Variants in PLXDC2 observed in about 807,000 individuals in gnomAD.
The protein encoded by PLXDC2 is plexin domain containing 2.
In PLXDC2, 40 loss-of-function variants were observed where a neutral mutation model predicts 68.9. The observed-to-expected ratio is 0.58, with a 90% CI of 0.45 to 0.76. The LOEUF is 0.76. PLXDC2 is among the 30% of genes least tolerant of loss of function. The pLI is 0.00. For synonymous variants in PLXDC2, 243 were observed against 234.2 expected (o/e 1.04, Z -0.34); for missense variants, 644 against 661.9 (o/e 0.97, Z 0.30).
At chr10:20,061,093 T>A (rs4426050) in intron 3 of PLXDC2, among the ~76,000 whole-genome samples, 117,725 of 152,180 alleles carry the variant, frequency 0.77, 45,872 homozygotes, top group East Asian at 0.9. Context: ...AAATTTTAAC[T>A]CCTTATATAC....
At chr10:20,166,932 T>G (rs1834383852) in intron 7 of PLXDC2, among the ~76,000 whole-genome samples, 1 of 152,166 alleles carries the variant, frequency 6.6e-6, no homozygotes, top group African/African-American at 2.4e-5. Context: ...TTTATATGAA[T>G]TTTCAGACCA....
At chr10:19,939,209 A>G (rs939522669) in intron 1 of PLXDC2, among the ~76,000 whole-genome samples, 27 of 152,208 alleles carry the variant, frequency 1.8e-4, no homozygotes, top group African/African-American at 6.3e-4. Flanking sequence ...CCCCTCTGGG[A>G]TATCTGTGTT....
At chr10:20,273,191 C>A (rs1835960967) in intron 13 of PLXDC2, among the ~76,000 whole-genome samples, 1 of 152,130 alleles carries the variant, frequency 6.6e-6, no homozygotes, top group South Asian at 2.1e-4. Context: ...GCAATATGCC[C>A]CTTTTCTTTC....
At chr10:20,197,890 A>G (rs906498487) in intron 9 of PLXDC2, among the ~76,000 whole-genome samples, 1 of 152,192 alleles carries the variant, frequency 6.6e-6, no homozygotes, top group South Asian at 2.1e-4. Context: ...TAGTGGCCCA[A>G]GTCGTAGTTA....
chr10:20,098,497 T>C (rs1833382083), intron 4 of PLXDC2, among the ~76,000 whole-genome samples: 1 of 152,048 alleles, frequency 6.6e-6, no homozygotes, highest in African/African-American at 2.4e-5. Flanking sequence ...ATCCTAAACC[T>C]AATCACATCT....
intron 2 of PLXDC2, among the ~76,000 whole-genome samples, chr10:20,006,962 T>C (rs142320126): frequency 2.2e-4 from 33 of 152,364 alleles, no homozygotes; most frequent in African/African-American, 7.7e-4. Context: ...GTATAACCAC[T>C]TAGCCAGGTG....
chr10:20,122,545 C>G (rs896170680), intron 4 of PLXDC2, among the ~76,000 whole-genome samples: 4 of 152,202 alleles, frequency 2.6e-5, no homozygotes, highest in African/African-American at 7.2e-5. Flanking sequence ...GAGTCCCGCA[C>G]AGATGGGACG....
intron 6 of PLXDC2, among the ~76,000 whole-genome samples, chr10:20,162,292 G>A (rs1178747304): frequency 6.6e-6 from 1 of 152,148 alleles, no homozygotes; most frequent in South Asian, 2.1e-4. Context: ...ACATAAACAT[G>A]TACTATACAT....
At chr10:20,065,547 C>T (rs1836192097) in intron 3 of PLXDC2, among the ~76,000 whole-genome samples, 1 of 152,124 alleles carries the variant, frequency 6.6e-6, no homozygotes, top group Admixed American at 6.6e-5. Context: ...TTATCGTGCA[C>T]TTTATTTCTA....
At chr10:20,049,631 A>G (rs1835858150) in intron 3 of PLXDC2, among the ~76,000 whole-genome samples, 1 of 152,116 alleles carries the variant, frequency 6.6e-6, no homozygotes, top group East Asian at 1.9e-4. Flanking sequence ...ACAATAAAAT[A>G]CCTAGTAATA....
chr10:20,105,942 TTTAAA>T (rs1564317072), intron 4 of PLXDC2, among the ~76,000 whole-genome samples: 1 of 152,234 alleles, frequency 6.6e-6, no homozygotes, highest in Non-Finnish European at 1.5e-5. Flanking sequence ...AATATGATTA[TTTAAA>T]TTAGTGTTGG....
intron 3 of PLXDC2, among the ~76,000 whole-genome samples, chr10:20,052,940 T>C (rs984173211): frequency 6.6e-6 from 1 of 151,976 alleles, no homozygotes; most frequent in Non-Finnish European, 1.5e-5. Flanking sequence ...CTAGGAACAT[T>C]TTTTTAAAGA....
In PLXDC2 at chr10:20,282,428, T is replaced by C. The variant is rs921414518; in HGVS notation, c.*2609T>C. The C allele has an allele frequency of 3.3e-5, 5 of 152,188 alleles. No homozygotes were observed. The highest frequency in any genetic ancestry group is 7.3e-5 in the Non-Finnish European group (5 of 68,030). 9.4% of individuals were successfully genotyped at this position (152,188 alleles called of 1,614,324 possible). ...TGCAACTGTACATTACTTAATATAC[T>C]ATGAACATAATAGAATAACAAAAAA... is the stretch of plus-strand genomic sequence containing the variant. On this transcript the variant is annotated 3_prime_UTR_variant, in exon 14 of 14. Coordinates refer to ENST00000377252, the MANE Select transcript of PLXDC2 (RefSeq NM_032812.9).
chr10:19,880,556 TG>T (rs1387347991), intron 1 of PLXDC2, among the ~76,000 whole-genome samples: 1 of 152,230 alleles, frequency 6.6e-6, no homozygotes, highest in Non-Finnish European at 1.5e-5. Flanking sequence ...AGTTTGAATG[TG>T]GGTAACTGAG....
At position 20,014,890 on chromosome 10, in the gene PLXDC2, A is replaced by T. The variant is rs1038070649; in HGVS notation, c.324+12904A>T. Among the ~76,000 whole-genome samples, 269 of 151,018 alleles carry T rather than the reference A, an allele frequency of 1.8e-3. 2 individuals are homozygous for T. The highest frequency in any genetic ancestry group is 2.9e-3 in the Non-Finnish European group (199 of 67,688). ...AATGTTGAAACATTTCAAAGAGAAC[A>T]TTTTTTTTTTCCAGTTAGTGATCAC... On this transcript the variant is annotated intron_variant, in intron 2 of 13. Coordinates refer to ENST00000377252, the MANE Select transcript of PLXDC2 (RefSeq NM_032812.9).
rs571772494 is a variant in PLXDC2 at position 20,029,566 on chromosome 10, C to T, written c.325-17303C>T. On this transcript the variant is annotated intron_variant, in intron 2 of 13. Transcript: ENST00000377252. The stretch of plus-strand genomic sequence containing the variant: ...TCCCCTCCTCACCCCTGGGACTTTG[C>T]AAGACAGAACCAAAAAAATAAAAAA... 2.0e-5 allele frequency among the ~76,000 whole-genome samples: 3 copies of T among 151,818 alleles called. No individual in the cohort carries two copies. In the South Asian group the frequency reaches 6.2e-4, roughly 32 times the overall value.
intron 4 of PLXDC2, among the ~76,000 whole-genome samples, chr10:20,078,077 ACT>A (rs1836482021): frequency 6.6e-6 from 1 of 151,882 alleles, no homozygotes; most frequent in Non-Finnish European, 1.5e-5. Context: ...CTGTTCTCAC[ACT>A]CTCTTTTTAA....
At chr10:20,137,068 G>A (rs1833944187) in intron 4 of PLXDC2, among the ~76,000 whole-genome samples, 1 of 152,172 alleles carries the variant, frequency 6.6e-6, no homozygotes, top group Admixed American at 6.5e-5. Flanking sequence ...GATCAATAAT[G>A]TACCTTAACT....
intron 9 of PLXDC2, among the ~76,000 whole-genome samples, chr10:20,181,257 A>C (rs1040441960): frequency 2.6e-5 from 4 of 152,054 alleles, no homozygotes; most frequent in African/African-American, 9.7e-5. Flanking sequence ...TTTGCACTTA[A>C]AGTATTCATT....
Sources: gnomAD v4.1 joint callset for allele counts (sites outside exome capture counted in the v4.1 genomes callset) on GRCh38, gnomAD v4.1.1 for gene constraint, MANE v1.5 for transcripts, NCBI Gene and HGNC (gene_info 2026-07-23, HGNC 2026-07-21) for gene names.